CBR4: variants seen among roughly 807,000 people sequenced by gnomAD.
CBR4 encodes 3-oxoacyl-[acyl-carrier-protein] reductase.
A neutral mutation model predicts 21.0 loss-of-function variants in CBR4; 22 were observed. That is an observed-to-expected ratio of 1.05 (90% confidence interval 0.75 to 1.50). CBR4 has a LOEUF of 1.50. CBR4 is among the 40% of genes most tolerant of loss of function. The probability of loss-of-function intolerance (pLI) is 0.00; values close to 1 mark genes in which losing one functional copy is unlikely to be tolerated. For missense variants in CBR4, 302 were observed against 286.3 expected (o/e 1.05, Z -0.40); for synonymous variants, 100 against 104.4 (o/e 0.96, Z 0.26).
intron 2 of CBR4, among the ~76,000 whole-genome samples, chr4:168,935,972 C>T (rs199747435): frequency 5.3e-5 from 8 of 152,172 alleles, no homozygotes; most frequent in African/African-American, 1.9e-4. Flanking sequence ...GACTGGGAGA[C>T]ACCTCCTGAC....
At chr4:168,939,658 A>G (rs1763207951) in intron 2 of CBR4, among the ~76,000 whole-genome samples, 1 of 152,216 alleles carries the variant, frequency 6.6e-6, no homozygotes. Flanking sequence ...AATAACAGAG[A>G]GCCAAGACGT....
chr4:168,993,468 C>T (rs1427925928), intron 4 of CBR4, among the ~76,000 whole-genome samples: 1 of 152,138 alleles, frequency 6.6e-6, no homozygotes, highest in Non-Finnish European at 1.5e-5. Flanking sequence ...ACCTCAGCCT[C>T]CCAAAGTGCT....
chr4:168,966,741 G>A (rs549508684), intron 2 of CBR4, among the ~76,000 whole-genome samples: 2 of 151,530 alleles, frequency 1.3e-5, no homozygotes, highest in South Asian at 2.1e-4. Flanking sequence ...CTACAGGGCC[G>A]GGCACAGTGG....
intron 2 of CBR4, among the ~76,000 whole-genome samples, chr4:168,936,733 G>GA (rs1299323988): frequency 2.6e-5 from 4 of 152,024 alleles, no homozygotes; most frequent in Admixed American, 1.3e-4. Flanking sequence ...CAAGATTAGA[G>GA]AAAAAAGAAT....
At chr4:168,971,651 GT>G (rs1417195480) in intron 2 of CBR4, among the ~76,000 whole-genome samples, 2 of 151,824 alleles carry the variant, frequency 1.3e-5, no homozygotes, top group African/African-American at 4.8e-5. Context: ...AGGATTATTT[GT>G]TTTTTTCTTG....
At chr4:168,934,273 C>CAAAAA (rs1206272373) in intron 2 of CBR4, among the ~76,000 whole-genome samples, 3 of 10,660 alleles carry the variant, frequency 2.8e-4, no homozygotes, top group Non-Finnish European at 3.9e-4. Flanking sequence ...ACTAGAAAAG[C>CAAAAA]AAAAAAAACA....
At chr4:169,009,812 G>C (rs1458290) in intron 1 of CBR4, 136 bp downstream of exon 1, 9 of 775,334 alleles carry the variant, frequency 1.2e-5, no homozygotes, top group Non-Finnish European at 1.8e-5. Flanking sequence ...CCCTTGGAAC[G>C]GGAGAGCGCC....
At chr4:168,902,199 T>C (rs1248608477) in intron 2 of CBR4, among the ~76,000 whole-genome samples, 5 of 152,240 alleles carry the variant, frequency 3.3e-5, no homozygotes, top group Admixed American at 6.5e-5. Flanking sequence ...ATTTACATAC[T>C]GATTTATATT....
intron 2 of CBR4, among the ~76,000 whole-genome samples, chr4:168,942,894 A>G (rs1763301712): frequency 6.6e-6 from 1 of 152,178 alleles, no homozygotes; most frequent in Non-Finnish European, 1.5e-5. Flanking sequence ...AATCAAGGAA[A>G]TGAAAATCAA....
At chr4:169,000,350 G>C (rs72704285) in intron 4 of CBR4, among the ~76,000 whole-genome samples, 7 of 150,490 alleles carry the variant, frequency 4.7e-5, no homozygotes, top group Non-Finnish European at 1.0e-4. Context: ...CATAGATTTA[G>C]AATGTCTGAA....
chr4:168,944,886 A>G (rs2126687342), intron 2 of CBR4, among the ~76,000 whole-genome samples: 1 of 152,348 alleles, frequency 6.6e-6, no homozygotes, highest in Admixed American at 6.5e-5. Context: ...AGAAATATCA[A>G]TCATAAACTT....
chr4:168,897,078 G>A (rs1161298654), intron 2 of CBR4, among the ~76,000 whole-genome samples: 3 of 152,138 alleles, frequency 2.0e-5, no homozygotes, highest in East Asian at 1.9e-4. Flanking sequence ...TGATCCACCC[G>A]CCTTGGCTTC....
intron 4 of CBR4, among the ~76,000 whole-genome samples, chr4:168,991,083 T>G (rs1764900883): frequency 2.0e-5 from 3 of 152,084 alleles, no homozygotes; most frequent in Admixed American, 2.0e-4. Context: ...CAAAATAGTT[T>G]TGTTAGTAAT....
chr4:168,916,486 T>TCTTTA (rs1553980924), intron 2 of CBR4, among the ~76,000 whole-genome samples: 25,514 of 141,556 alleles, frequency 0.18, 2,708 homozygotes, highest in African/African-American at 0.31. Flanking sequence ...TTACTATGAT[T>TCTTTA]CTTTAAATCT....
At chr4:168,960,153 A>C (rs937289507) in intron 2 of CBR4, among the ~76,000 whole-genome samples, 10 of 152,236 alleles carry the variant, frequency 6.6e-5, no homozygotes, top group African/African-American at 9.6e-5. Context: ...CTGCCATTCA[A>C]GAAGCAGAAC....
intron 2 of CBR4, chr4:168,896,721 G>A (rs1464155397): frequency 1.6e-6 from 1 of 640,140 alleles, no homozygotes; most frequent in Non-Finnish European, 2.7e-6. Context: ...GCTATGACCA[G>A]TGTCTGTTTC....
At chr4:169,006,976 A>G (rs1730960143) in intron 2 of CBR4, 85 bp from the exon 3 acceptor site, 1 of 1,001,624 alleles carries the variant, frequency 1.0e-6, no homozygotes, top group Non-Finnish European at 1.5e-6. Context: ...TTTTACTGAG[A>G]GTGCAAGAAG....
intron 2 of CBR4, among the ~76,000 whole-genome samples, chr4:168,932,139 ATAATCT>A (rs1271835805): frequency 9.2e-5 from 14 of 152,190 alleles, no homozygotes; most frequent in Admixed American, 9.2e-4. Context: ...ATTGAAAATA[ATAATCT>A]TAAGGAAGCT....
intron 1 of CBR4, chr4:169,008,876 AAT>A (rs967319851): frequency 7.1e-6 from 3 of 421,028 alleles, no homozygotes; most frequent in African/African-American, 6.3e-5. Flanking sequence ...TAGAGAGCCC[AAT>A]AGTCTCCCAA....
Sources: allele counts gnomAD v4.1 joint callset (sites outside exome capture counted in the v4.1 genomes callset), GRCh38; gene constraint gnomAD v4.1.1; transcripts MANE v1.5; gene names NCBI Gene and HGNC (gene_info 2026-07-23, HGNC 2026-07-21).